The following SUGCT variants were observed in gnomAD, a reference collection of about 807,000 sequenced individuals.
The protein encoded by SUGCT is succinyl-CoA:glutarate-CoA transferase.
In SUGCT, 41 loss-of-function variants were observed where a neutral mutation model predicts 55.0. That is an observed-to-expected ratio of 0.74 (90% CI 0.58 to 0.97). SUGCT has a LOEUF of 0.97. Among genes scored for constraint, SUGCT ranks in the 50% least tolerant of loss-of-function variants. The pLI, the probability that SUGCT is intolerant of heterozygous loss-of-function variation, is 0.00. For missense variants in SUGCT, 568 were observed against 547.8 expected (o/e 1.04, Z -0.37); for synonymous variants, 187 against 200.4 (o/e 0.93, Z 0.56).
intron 12 of SUGCT, among the ~76,000 whole-genome samples, chr7:40,671,093 C>T (rs1415384440): frequency 2.0e-5 from 3 of 152,124 alleles, no homozygotes; most frequent in Admixed American, 2.0e-4. Context: ...TGCTTGAAAA[C>T]CAAATGTTAT....
chr7:40,352,780 T>G (rs1797701498), intron 9 of SUGCT, among the ~76,000 whole-genome samples: 1 of 152,174 alleles, frequency 6.6e-6, no homozygotes, highest in African/African-American at 2.4e-5. Context: ...ATGTATTCCT[T>G]TGGGTGTACA....
chr7:40,287,173 CT>C (rs1315627297), intron 8 of SUGCT, among the ~76,000 whole-genome samples: 1 of 152,068 alleles, frequency 6.6e-6, no homozygotes, highest in East Asian at 1.9e-4. Flanking sequence ...AGCGATAGAA[CT>C]TAATGTGATC....
At chr7:40,907,119 G>T in the SUGCT span, among the ~76,000 whole-genome samples, 1 of 77,500 alleles carries the variant, frequency 1.3e-5, no homozygotes, top group African/African-American at 4.5e-5. Flanking sequence ...GTGTGTGTGT[G>T]TGTGTGTGTG....
intron 7 of SUGCT, among the ~76,000 whole-genome samples, chr7:40,247,271 T>A (rs1398446704): frequency 6.6e-6 from 1 of 152,032 alleles, no homozygotes; most frequent in Non-Finnish European, 1.5e-5. Context: ...TCTTTTTTTG[T>A]GTGAGACAGA....
chr7:40,514,235 C>T (rs1793110954), intron 12 of SUGCT, among the ~76,000 whole-genome samples: 1 of 151,866 alleles, frequency 6.6e-6, no homozygotes, highest in East Asian at 1.9e-4. Context: ...CTTCACAGTC[C>T]TGATGTAGAG....
At chr7:40,886,170 A>G in the SUGCT span, among the ~76,000 whole-genome samples, 2 of 152,146 alleles carry the variant, frequency 1.3e-5, no homozygotes, top group South Asian at 2.1e-4. Flanking sequence ...AGTAGAACAG[A>G]TTGGGTTTGA....
chr7:41,007,823 CAAAAAAAAA>C, the SUGCT span, among the ~76,000 whole-genome samples: 5 of 104,296 alleles, frequency 4.8e-5, no homozygotes, highest in African/African-American at 1.8e-4. Flanking sequence ...AACTGAAATC[CAAAAAAAAA>C]AAAAAAAAAA....
chr7:40,712,984 A>G (rs1253784325), intron 12 of SUGCT, among the ~76,000 whole-genome samples: 2 of 152,228 alleles, frequency 1.3e-5, no homozygotes, highest in East Asian at 3.8e-4. Flanking sequence ...TGGAATAGCA[A>G]AATCTCTGAA....
At chr7:40,295,678 G>A (rs1275478140) in intron 8 of SUGCT, among the ~76,000 whole-genome samples, 2 of 152,118 alleles carry the variant, frequency 1.3e-5, no homozygotes, top group Admixed American at 6.5e-5. Flanking sequence ...TGGTATAATT[G>A]GCCATAATGT....
chr7:40,930,266 T>C, the SUGCT span, among the ~76,000 whole-genome samples: 1 of 152,196 alleles, frequency 6.6e-6, no homozygotes, highest in African/African-American at 2.4e-5. Flanking sequence ...CTCTGTTCTG[T>C]TCCATTGGTC....
intron 12 of SUGCT, among the ~76,000 whole-genome samples, chr7:40,694,449 G>C (rs1784836121): frequency 6.6e-6 from 1 of 152,182 alleles, no homozygotes; most frequent in Admixed American, 6.5e-5. Flanking sequence ...AATCAGCTTG[G>C]AATAAGCTTT....
downstream of SUGCT, among the ~76,000 whole-genome samples, chr7:40,862,300 G>T (rs1426039962): frequency 6.6e-6 from 1 of 152,160 alleles, no homozygotes. Flanking sequence ...AATCATATAT[G>T]TAAGTGTCTA....
At chr7:40,687,891 A>T (rs942540727) in intron 12 of SUGCT, among the ~76,000 whole-genome samples, 1 of 152,180 alleles carries the variant, frequency 6.6e-6, no homozygotes, top group Admixed American at 6.5e-5. Flanking sequence ...GGCGGTGGCT[A>T]TACTTGGAAA....
At chr7:40,876,180 C>T in the SUGCT span, among the ~76,000 whole-genome samples, 3 of 152,136 alleles carry the variant, frequency 2.0e-5, no homozygotes, top group Non-Finnish European at 2.9e-5. Context: ...AACCATAATA[C>T]CTCTGGGCAG....
At chr7:40,759,741 A>T (rs1240664329) in intron 13 of SUGCT, among the ~76,000 whole-genome samples, 1 of 152,128 alleles carries the variant, frequency 6.6e-6, no homozygotes, top group African/African-American at 2.4e-5. Context: ...TATTTAAATA[A>T]TATTTACATT....
At chr7:40,985,425 A>C in the SUGCT span, among the ~76,000 whole-genome samples, 2 of 152,202 alleles carry the variant, frequency 1.3e-5, no homozygotes, top group Non-Finnish European at 2.9e-5. Flanking sequence ...ACACGACTTG[A>C]GTGCCTGGAA....
At chr7:40,250,978 A>G (rs1012479921) in intron 7 of SUGCT, among the ~76,000 whole-genome samples, 9 of 151,200 alleles carry the variant, frequency 6.0e-5, no homozygotes, top group African/African-American at 2.2e-4. Context: ...CTGGGATTAC[A>G]GGCCCCTGCC....
At chr7:40,917,585 A>G in the SUGCT span, among the ~76,000 whole-genome samples, 2 of 152,130 alleles carry the variant, frequency 1.3e-5, no homozygotes, top group African/African-American at 4.8e-5. Context: ...CTGCAGGAGG[A>G]GAGAAGAAGC....
chr7:40,665,405 G>C (rs1801565542), intron 12 of SUGCT, among the ~76,000 whole-genome samples: 1 of 150,094 alleles, frequency 6.7e-6, no homozygotes, highest in African/African-American at 2.5e-5. Flanking sequence ...TTCCAGCCTG[G>C]GCGACAAAAG....
Sources: gnomAD v4.1 joint callset for allele counts (sites outside exome capture counted in the v4.1 genomes callset) on GRCh38, gnomAD v4.1.1 for gene constraint, MANE v1.5 for transcripts, NCBI Gene and HGNC (gene_info 2026-07-23, HGNC 2026-07-21) for gene names.